TTLL7: variants seen among roughly 807,000 people sequenced by gnomAD.
The protein encoded by TTLL7 is tubulin tyrosine ligase like 7.
In TTLL7, 53 loss-of-function variants were observed where a neutral mutation model predicts 120.2. That is an observed-to-expected ratio of 0.44 (90% confidence interval 0.35 to 0.55). The LOEUF (loss-of-function observed/expected upper bound fraction) is 0.55. Among genes scored for constraint, TTLL7 ranks in the 20% least tolerant of loss-of-function variants. TTLL7 has a pLI of 0.00. For missense variants in TTLL7, 803 were observed against 1,054.7 expected (o/e 0.76, Z 3.31); for synonymous variants, 353 against 351.7 (o/e 1.00, Z -0.04).
intron 3 of TTLL7, among the ~76,000 whole-genome samples, chr1:83,951,628 T>C (rs1449638795): frequency 6.6e-6 from 1 of 152,236 alleles, no homozygotes; most frequent in South Asian, 2.1e-4. Flanking sequence ...GTGTTTGAAC[T>C]GAAATTTTAG....
At chr1:83,885,504 C>T (rs1313230962) in intron 19 of TTLL7, among the ~76,000 whole-genome samples, 2 of 151,986 alleles carry the variant, frequency 1.3e-5, no homozygotes, top group African/African-American at 4.8e-5. Flanking sequence ...CTCTCTCATT[C>T]TCCCTTAAAT....
chr1:83,910,705 T>C (rs774803971), intron 15 of TTLL7, among the ~76,000 whole-genome samples: 2 of 152,106 alleles, frequency 1.3e-5, no homozygotes, highest in African/African-American at 2.4e-5. Context: ...ACTCCAACTA[T>C]TTCACAATTA....
chr1:83,965,608 G>T (rs974283107), intron 1 of TTLL7, among the ~76,000 whole-genome samples: 3 of 151,952 alleles, frequency 2.0e-5, no homozygotes, highest in African/African-American at 4.8e-5. Context: ...CTACAGTATT[G>T]TTTTTTGCCT....
chr1:83,895,792 C>T (rs1284503043), intron 18 of TTLL7, among the ~76,000 whole-genome samples: 1 of 152,074 alleles, frequency 6.6e-6, no homozygotes, highest in East Asian at 1.9e-4. Flanking sequence ...CAGATGCCAG[C>T]AGCAAAAGCC....
At chr1:83,978,404 C>G (rs1418935891) in intron 1 of TTLL7, among the ~76,000 whole-genome samples, 1 of 152,026 alleles carries the variant, frequency 6.6e-6, no homozygotes, top group Non-Finnish European at 1.5e-5. Context: ...CTATCCAAAG[C>G]TCAAATGAGA....
intron 19 of TTLL7, among the ~76,000 whole-genome samples, chr1:83,884,137 G>GGA (rs766467166): frequency 2.2e-4 from 33 of 148,274 alleles, no homozygotes; most frequent in Middle Eastern, 3.6e-3. Flanking sequence ...AGGGAGGGAG[G>GGA]GAGAGAGAGA....
At chr1:83,998,899 G>A (rs762198932) in intron 1 of TTLL7, 32 bp downstream of exon 1, 3 of 374,492 alleles carry the variant, frequency 8.0e-6, no homozygotes, top group African/African-American at 2.2e-5. Context: ...ATGGAAGGGG[G>A]TCGGGGGAGG....
intron 20 of TTLL7, among the ~76,000 whole-genome samples, chr1:83,880,772 C>T (rs970990469): frequency 7.9e-5 from 12 of 151,898 alleles, no homozygotes; most frequent in Admixed American, 2.6e-4. Context: ...AAAAAGAGCC[C>T]GCATCGCCAA....
At chr1:83,982,497 T>C (rs1008849188) in intron 1 of TTLL7, among the ~76,000 whole-genome samples, 3 of 152,160 alleles carry the variant, frequency 2.0e-5, no homozygotes, top group Non-Finnish European at 4.4e-5. Flanking sequence ...AGCTTTTCTA[T>C]ACACCAATAT....
Position 83,933,700 on chromosome 1 carries a change from G to T in TTLL7, c.955C>A (p.Pro319Thr). The T allele has an allele frequency of 1.9e-6, 3 of 1,613,522 alleles. No homozygotes were observed. The highest frequency in any genetic ancestry group is 2.5e-6 in the Non-Finnish European group (3 of 1,179,674). The change falls in exon 9 of 21, where the codon CCT becomes ACT. Residue 319 changes from proline (P) to threonine (T), a missense_variant. Around this residue, in one of 3 missense-constraint regions of TTLL7, gnomAD observed 324 missense variants for 507.7 expected, o/e 0.64. Coordinates refer to ENST00000260505, the MANE Select transcript of TTLL7 (RefSeq NM_024686.6). Reference sequence around the variant, plus strand: ...CTTTCGCTTCCTGGAGGTTGACCAGGTCTACACATTCGATAGGCATGCAGG... The same window carrying T: ...CTTTCGCTTCCTGGAGGTTGACCAGTTCTACACATTCGATAGGCATGCAGG... ...HVLHAYRMCR[P>T]GQPPGSESVC...
intron 18 of TTLL7, among the ~76,000 whole-genome samples, chr1:83,891,479 G>A (rs911272463): frequency 4.6e-5 from 7 of 152,006 alleles, no homozygotes; most frequent in Admixed American, 2.6e-4. Flanking sequence ...AGTACAGATC[G>A]GTGCACAAAC....
chr1:83,972,655 C>T (rs1269466356), intron 1 of TTLL7, among the ~76,000 whole-genome samples: 2 of 152,048 alleles, frequency 1.3e-5, no homozygotes, highest in African/African-American at 2.4e-5. Context: ...GCTAAACTGT[C>T]TTCCAAAGTA....
chr1:83,957,909 A>G (rs1189305087), intron 1 of TTLL7, among the ~76,000 whole-genome samples: 1 of 152,168 alleles, frequency 6.6e-6, no homozygotes, highest in African/African-American at 2.4e-5. Context: ...GTGAGAAATA[A>G]ATATCTATTG....
chr1:83,947,440 A>G (rs1648612463), intron 5 of TTLL7, 158 bp from the exon 6 acceptor site: 1 of 653,026 alleles, frequency 1.5e-6, no homozygotes, highest in Non-Finnish European at 2.5e-6. Flanking sequence ...TCTACTGAGC[A>G]CCTATTAAGT....
At chr1:83,940,543 T>C (rs1367016716) in intron 7 of TTLL7, among the ~76,000 whole-genome samples, 1 of 152,118 alleles carries the variant, frequency 6.6e-6, no homozygotes, top group East Asian at 1.9e-4. Flanking sequence ...TAATACACCA[T>C]CCATCAGATG....
Position 83,865,621 on chromosome 1 carries a change from A to T in TTLL7, c.*4341T>A, listed in dbSNP as rs1201337419. The T allele has an allele frequency of 6.6e-6, 1 of 152,034 alleles. No homozygotes were observed. The highest frequency in any genetic ancestry group is 1.5e-5 in the Non-Finnish European group (1 of 67,880). 9.4% of individuals were successfully genotyped at this position (152,034 alleles called of 1,614,324 possible). On this transcript the variant is annotated 3_prime_UTR_variant, in exon 21 of 21. Coordinates refer to ENST00000260505, the MANE Select transcript of TTLL7 (RefSeq NM_024686.6). ...AATTTTGGTTGCAAGACTTATTTGT[A>T]GCCATATATCTTGCTTTATATGTAT...
Position 83,870,012 on chromosome 1 carries a change from C to G in TTLL7, c.2614G>C (p.Gly872Arg). The G allele has an allele frequency of 6.3e-7, 1 of 1,589,280 alleles. No homozygotes were observed. The highest frequency in any genetic ancestry group is 1.4e-5 in the African/African-American group (1 of 73,516). Residue 872 changes from glycine to arginine, a missense_variant, in exon 21 of 21, where the codon GGA (glycine) becomes CGA (arginine). By Grantham distance (125) the Gly-to-Arg change is moderately radical (BLOSUM62 -2). Around this residue, in one of 3 missense-constraint regions of TTLL7, gnomAD observed 388 missense variants for 450.4 expected, o/e 0.86. Transcript: ENST00000260505. ...PTYNLKYNSP[G>R]MTRSNVLFTS... is the part of the protein sequence containing the mutation. Reference sequence around the variant, plus strand: ...AACAAAACATTGGAGCGAGTCATTCCAGGTGAATTGTACTTCAAGTTGTAG... The same window carrying G: ...AACAAAACATTGGAGCGAGTCATTCGAGGTGAATTGTACTTCAAGTTGTAG...
At chr1:83,887,294 A>G (rs1246786921) in intron 19 of TTLL7, 4 of 1,069,986 alleles carry the variant, frequency 3.7e-6, no homozygotes, top group Non-Finnish European at 2.5e-6. Flanking sequence ...ACTGTGAAAG[A>G]AAGTTGAACC....
At chr1:83,970,704 C>A (rs1470555946) in intron 1 of TTLL7, among the ~76,000 whole-genome samples, 1 of 152,008 alleles carries the variant, frequency 6.6e-6, no homozygotes, top group Non-Finnish European at 1.5e-5. Context: ...TAGTTTGAGG[C>A]CCCCAGAAAT....
Sources: allele counts gnomAD v4.1 joint callset (sites outside exome capture counted in the v4.1 genomes callset), GRCh38; gene constraint gnomAD v4.1.1; regional missense constraint gnomAD v4.1.1; transcripts MANE v1.5; gene names NCBI Gene and HGNC (gene_info 2026-07-23, HGNC 2026-07-21).